CNTN1: variants seen among roughly 807,000 people sequenced by gnomAD.
The protein encoded by CNTN1 is contactin 1, also known as contactin-1.
CNTN1 carries 38 observed loss-of-function variants against 126.4 expected under a neutral mutation model. That is an observed-to-expected ratio of 0.30 (90% confidence interval 0.23 to 0.39). The LOEUF (loss-of-function observed/expected upper bound fraction) is 0.39. Among genes scored for constraint, CNTN1 ranks in the 10% least tolerant of loss-of-function variants. The pLI, the probability that CNTN1 is intolerant of heterozygous loss-of-function variation, is 1.00. For missense variants in CNTN1, 1,009 were observed against 1,248.4 expected (o/e 0.81, Z 2.89); for synonymous variants, 413 against 422.6 (o/e 0.98, Z 0.28).
At chr12:41,025,866 G>A (rs1392488073) in intron 21 of CNTN1, among the ~76,000 whole-genome samples, 2 of 152,060 alleles carry the variant, frequency 1.3e-5, no homozygotes, top group African/African-American at 4.8e-5. Flanking sequence ...TAATCTCTCT[G>A]GGTTCATTTT....
At chr12:40,747,864 G>C (rs547238487) in intron 1 of CNTN1, among the ~76,000 whole-genome samples, 2 of 152,088 alleles carry the variant, frequency 1.3e-5, no homozygotes, top group Non-Finnish European at 2.9e-5. Context: ...GGTAACAAAG[G>C]CTTCAATTTG....
intron 1 of CNTN1, among the ~76,000 whole-genome samples, chr12:40,804,689 C>A (rs903456512): frequency 2.0e-5 from 3 of 151,920 alleles, no homozygotes; most frequent in African/African-American, 7.3e-5. Context: ...CTCAGGGTAA[C>A]TGGAGCACAG....
intron 1 of CNTN1, among the ~76,000 whole-genome samples, chr12:40,780,757 G>A (rs1939762721): frequency 1.3e-5 from 2 of 149,170 alleles, no homozygotes; most frequent in South Asian, 2.1e-4. Flanking sequence ...AAAAGAGGAG[G>A]CCTTTAAGGA....
intron 1 of CNTN1, among the ~76,000 whole-genome samples, chr12:40,696,001 T>A (rs1941442473): frequency 6.6e-6 from 1 of 152,208 alleles, no homozygotes; most frequent in Non-Finnish European, 1.5e-5. Flanking sequence ...CATGATGCAG[T>A]TAAGCGAACA....
chr12:40,946,515 G>A (rs113621714), intron 14 of CNTN1, among the ~76,000 whole-genome samples: 9 of 152,170 alleles, frequency 5.9e-5, no homozygotes, highest in Admixed American at 1.3e-4. Context: ...AATAGACATG[G>A]ACACCAGCCC....
At chr12:40,976,312 T>C (rs1359237356) in intron 15 of CNTN1, among the ~76,000 whole-genome samples, 1 of 152,110 alleles carries the variant, frequency 6.6e-6, no homozygotes, top group Non-Finnish European at 1.5e-5. Flanking sequence ...TAAAATCAGG[T>C]CAGATTCCAA....
chr12:41,057,593 G>A (rs748934572), intron 23 of CNTN1, among the ~76,000 whole-genome samples: 15 of 152,090 alleles, frequency 9.9e-5, no homozygotes, highest in Middle Eastern at 3.4e-3. Context: ...GTGGATATTG[G>A]TTTAGATGGG....
intron 1 of CNTN1, among the ~76,000 whole-genome samples, chr12:40,761,047 C>T (rs571366986): frequency 6.6e-6 from 1 of 152,060 alleles, no homozygotes; most frequent in Non-Finnish European, 1.5e-5. Flanking sequence ...GCATTATAAT[C>T]TTCAGAGAAG....
At chr12:40,816,049 A>T (rs1481212878) in intron 1 of CNTN1, among the ~76,000 whole-genome samples, 3 of 152,102 alleles carry the variant, frequency 2.0e-5, no homozygotes, top group African/African-American at 7.2e-5. Flanking sequence ...GGATTCAGCT[A>T]GCCAGTATTT....
chr12:40,782,673 A>G (rs1470571471), intron 1 of CNTN1, among the ~76,000 whole-genome samples: 1 of 151,930 alleles, frequency 6.6e-6, no homozygotes, highest in East Asian at 1.9e-4. Flanking sequence ...AGGTGTATGG[A>G]CTTATTTTGT....
intron 17 of CNTN1, among the ~76,000 whole-genome samples, chr12:40,997,063 C>T (rs1948237001): frequency 1.3e-5 from 2 of 152,218 alleles, no homozygotes; most frequent in Non-Finnish European, 2.9e-5. Flanking sequence ...TCAGCGCACA[C>T]TTGGGTGCAT....
intron 1 of CNTN1, among the ~76,000 whole-genome samples, chr12:40,783,308 T>G (rs764948499): frequency 6.6e-6 from 1 of 151,996 alleles, no homozygotes; most frequent in Non-Finnish European, 1.5e-5. Flanking sequence ...ATGAACAGTT[T>G]TGAATAAAAT....
intron 14 of CNTN1, among the ~76,000 whole-genome samples, chr12:40,954,187 A>C (rs893064573): frequency 6.6e-6 from 1 of 152,094 alleles, no homozygotes; most frequent in Non-Finnish European, 1.5e-5. Flanking sequence ...TGCAGACATT[A>C]TTCTTTCCAA....
chr12:40,861,900 A>G (rs1943126314), intron 1 of CNTN1, among the ~76,000 whole-genome samples: 1 of 152,032 alleles, frequency 6.6e-6, no homozygotes, highest in South Asian at 2.1e-4. Flanking sequence ...TAAACCTCAC[A>G]ACATATTGTT....
At chr12:40,754,724 T>C (rs1214810271) in intron 1 of CNTN1, among the ~76,000 whole-genome samples, 1 of 152,104 alleles carries the variant, frequency 6.6e-6, no homozygotes, top group East Asian at 1.9e-4. Flanking sequence ...GTCAATGTTA[T>C]GTTCATAGTT....
intron 20 of CNTN1, among the ~76,000 whole-genome samples, chr12:41,022,398 A>G (rs1414675911): frequency 6.6e-6 from 1 of 152,236 alleles, no homozygotes; most frequent in Non-Finnish European, 1.5e-5. Flanking sequence ...TTTGCTGCTG[A>G]GCAAACATGG....
intron 1 of CNTN1, among the ~76,000 whole-genome samples, chr12:40,782,117 A>C (rs1340469330): frequency 6.6e-6 from 1 of 151,918 alleles, no homozygotes. Context: ...CCTATTACCT[A>C]TCTATCAATA....
chr12:40,835,249 A>G (rs1187884438), intron 1 of CNTN1, among the ~76,000 whole-genome samples: 8 of 152,222 alleles, frequency 5.3e-5, no homozygotes, highest in Admixed American at 5.2e-4. Flanking sequence ...GCAATTATTC[A>G]TACTTGCAAG....
intron 1 of CNTN1, among the ~76,000 whole-genome samples, chr12:40,802,175 A>G (rs1940682692): frequency 1.3e-5 from 2 of 152,006 alleles, no homozygotes; most frequent in Non-Finnish European, 2.9e-5. Context: ...ATGTGTCTAC[A>G]GTTAGGAAAA....
Sources: gnomAD v4.1 joint callset for allele counts (sites outside exome capture counted in the v4.1 genomes callset) on GRCh38, gnomAD v4.1.1 for gene constraint, MANE v1.5 for transcripts, NCBI Gene and HGNC (gene_info 2026-07-23, HGNC 2026-07-21) for gene names.